The following TSHR variants were observed in gnomAD, a reference collection of about 807,000 sequenced individuals.
The protein encoded by TSHR is thyroid stimulating hormone receptor.
TSHR carries 51 observed loss-of-function variants against 64.1 expected under a neutral mutation model. That is an observed-to-expected ratio of 0.80 (90% CI 0.64 to 1.01). The LOEUF is 1.01. Ranked by LOEUF, TSHR falls within the 50% of genes least tolerant of loss-of-function variation. The pLI is 0.00. For missense variants in TSHR, 877 were observed against 942.8 expected (o/e 0.93, Z 0.91); for synonymous variants, 361 against 361.9 (o/e 1.00, Z 0.03).
rs188284173 is a variant in TSHR at position 81,108,606 on chromosome 14, G to T, written c.692+154G>T. Reference sequence around the variant, plus strand: ...TCTGCAAGTCCCTCTTTTCCTGGCTGTATAGGCTACCTCTTGGAAGAAAGT... The same window carrying T: ...TCTGCAAGTCCCTCTTTTCCTGGCTTTATAGGCTACCTCTTGGAAGAAAGT... On this transcript the variant is annotated intron_variant, in intron 8 of 9. Transcript: ENST00000298171. 7.4e-6 allele frequency: 12 copies of T among 1,613,038 alleles called. No homozygotes were observed. In the Admixed American group the frequency reaches 1.5e-4, roughly 20 times the overall value.
Position 81,116,201 on chromosome 14 carries a change from G to T in TSHR, c.692+7749G>T, listed in dbSNP as rs1413873143. On this transcript the variant is annotated intron_variant, in intron 8 of 9. Coordinates refer to ENST00000298171, the MANE Select transcript of TSHR (RefSeq NM_000369.5). ...AACAATATTAACTTTAAATGTAAAT[G>T]GACTAAATGCTCCAATTAAAAGACA... 3.9e-3 allele frequency among the ~76,000 whole-genome samples: 578 copies of T among 149,388 alleles called. 5 individuals carry two copies. Among genetic ancestry groups the T allele is most frequent in the African/African-American group, 0.014 (549 of 40,552 alleles).
intron 1 of TSHR, among the ~76,000 whole-genome samples, chr14:81,055,101 T>G (rs1238856143): frequency 2.6e-5 from 4 of 152,080 alleles, no homozygotes; most frequent in Admixed American, 1.3e-4. Context: ...TCTAGGGACT[T>G]AGTAACCTGC....
intron 1 of TSHR, among the ~76,000 whole-genome samples, chr14:81,015,762 C>T (rs1231112058): frequency 2.6e-5 from 4 of 152,040 alleles, no homozygotes; most frequent in Non-Finnish European, 5.9e-5. Flanking sequence ...TATCCTTTCA[C>T]CAACATTTCC....
chr14:81,112,319 T>G (rs973674599), intron 8 of TSHR, among the ~76,000 whole-genome samples: 1 of 152,218 alleles, frequency 6.6e-6, no homozygotes, highest in Non-Finnish European at 1.5e-5. Flanking sequence ...TGACACTTCA[T>G]TATTCTGATC....
intron 1 of TSHR, among the ~76,000 whole-genome samples, chr14:80,998,839 C>A (rs1240497271): frequency 6.6e-6 from 1 of 152,092 alleles, no homozygotes; most frequent in Non-Finnish European, 1.5e-5. Flanking sequence ...TGTAATCATA[C>A]CCTCTTGGAA....
chr14:81,140,720 C>A (rs61980877), intron 9 of TSHR, among the ~76,000 whole-genome samples: 2,084 of 152,328 alleles, frequency 0.014, 22 homozygotes, highest in Admixed American at 0.023. Flanking sequence ...TTCAGTCCTC[C>A]TCAGCTTCTA....
At chr14:81,088,375 A>G (rs112308614) in intron 4 of TSHR, among the ~76,000 whole-genome samples, 9 of 152,332 alleles carry the variant, frequency 5.9e-5, no homozygotes, top group African/African-American at 2.2e-4. Context: ...CAATATTATT[A>G]GAGTGGCTGT....
chr14:81,114,273 T>A (rs1890371825), intron 8 of TSHR, among the ~76,000 whole-genome samples: 1 of 152,108 alleles, frequency 6.6e-6, no homozygotes. Flanking sequence ...GGTACCAGGT[T>A]CATCTCACTA....
intron 1 of TSHR, among the ~76,000 whole-genome samples, chr14:80,973,984 C>G (rs1326754268): frequency 2.6e-5 from 4 of 152,158 alleles, no homozygotes; most frequent in African/African-American, 9.7e-5. Context: ...ATTCTATTTA[C>G]TCAATTCACA....
At chr14:81,006,557 G>T (rs1012717959) in intron 1 of TSHR, among the ~76,000 whole-genome samples, 1 of 151,824 alleles carries the variant, frequency 6.6e-6, no homozygotes, top group Admixed American at 6.6e-5. Flanking sequence ...TCTGTCACCA[G>T]GCGAGAGCGC....
At chr14:80,966,280 C>T (rs1361774172) in intron 1 of TSHR, among the ~76,000 whole-genome samples, 12 of 152,042 alleles carry the variant, frequency 7.9e-5, no homozygotes, top group African/African-American at 2.4e-4. Flanking sequence ...GATCTAAGGA[C>T]GGGCATAAAT....
intron 1 of TSHR, among the ~76,000 whole-genome samples, chr14:81,002,234 A>C (rs980270144): frequency 6.6e-6 from 1 of 152,082 alleles, no homozygotes; most frequent in Admixed American, 6.6e-5. Flanking sequence ...TGGCCCCAAA[A>C]GTTTCTGGGT....
chr14:81,129,833 T>C (rs1424433999), intron 8 of TSHR, among the ~76,000 whole-genome samples: 2 of 152,190 alleles, frequency 1.3e-5, no homozygotes, highest in Non-Finnish European at 2.9e-5. Context: ...CTAGATCCCA[T>C]CGCCTCTCAA....
At chr14:81,091,007 C>A (rs1206729290) in intron 4 of TSHR, 62 bp from the exon 5 acceptor site, 1 of 1,384,346 alleles carries the variant, frequency 7.2e-7, no homozygotes, top group Non-Finnish European at 1.0e-6. Flanking sequence ...ATTCTCCTTC[C>A]TATGTGTTGA....
At chr14:80,978,393 G>T (rs1450852736) in intron 1 of TSHR, among the ~76,000 whole-genome samples, 1 of 152,152 alleles carries the variant, frequency 6.6e-6, no homozygotes, top group South Asian at 2.1e-4. Context: ...AGTTATTCTG[G>T]GAAGCAGATG....
At chr14:81,109,780 G>C (rs1890143312) in intron 8 of TSHR, among the ~76,000 whole-genome samples, 1 of 141,278 alleles carries the variant, frequency 7.1e-6, no homozygotes, top group African/African-American at 2.6e-5. Flanking sequence ...GAGTGATCTT[G>C]AAAATCTGCT....
chr14:81,090,925 A>G lies in TSHR; in HGVS notation c.393-144A>G. ...CATCAGAACTTGCCCATAGTTACTC[A>G]GATATTTAGGGAAGGTGTTGGGAGT... On this transcript the variant is annotated intron_variant, in intron 4 of 9. Coordinates refer to ENST00000298171, the MANE Select transcript of TSHR (RefSeq NM_000369.5). 5.7e-6 allele frequency: 4 copies of G among 700,788 alleles called. No homozygotes were observed. In the East Asian group the frequency reaches 1.1e-4, roughly 19 times the overall value. The allele number at this position is 700,788 out of a possible 1,614,324, so 43.4% of individuals were successfully genotyped here. A position where few individuals can be genotyped will look rare whatever the true frequency, so the allele number is the denominator to read the frequency against.
At chr14:81,040,825 A>G (rs1458300134) in intron 1 of TSHR, among the ~76,000 whole-genome samples, 2 of 152,152 alleles carry the variant, frequency 1.3e-5, no homozygotes, top group Non-Finnish European at 2.9e-5. Flanking sequence ...CAGGAAAACA[A>G]CAAACAACCT....
intron 1 of TSHR, chr14:81,051,739 T>C (rs1376040132): frequency 6.6e-6 from 1 of 152,140 alleles, no homozygotes; most frequent in Non-Finnish European, 1.5e-5. Context: ...TACTTACAGG[T>C]GCAGGGTGAT....
Sources: allele counts gnomAD v4.1 joint callset (sites outside exome capture counted in the v4.1 genomes callset), GRCh38; gene constraint gnomAD v4.1.1; transcripts MANE v1.5; gene names NCBI Gene and HGNC (gene_info 2026-07-23, HGNC 2026-07-21).